Variants in EPB41 observed in about 807,000 individuals in gnomAD.
EPB41 encodes protein 4.1.
In EPB41, 65 loss-of-function variants were observed where a neutral mutation model predicts 108.0. The observed-to-expected ratio is 0.60, with a 90% confidence interval of 0.49 to 0.74. The LOEUF (loss-of-function observed/expected upper bound fraction) is 0.74. Among genes scored for constraint, EPB41 ranks in the 30% least tolerant of loss-of-function variants. EPB41 has a pLI of 0.00. For synonymous variants in EPB41, 336 were observed against 358.9 expected (o/e 0.94, Z 0.72); for missense variants, 875 against 1,037.0 (o/e 0.84, Z 2.15).
At chr1:29,070,322 T>TCA in intron 16 of EPB41, 2 of 1,214,926 alleles carry the variant, frequency 1.6e-6, no homozygotes, top group Non-Finnish European at 2.1e-6. Context: ...GTCATTTTGT[T>TCA]CATCTTATTC....
intron 1 of EPB41, among the ~76,000 whole-genome samples, chr1:28,906,720 TCAGA>T (rs1191413770): frequency 6.6e-6 from 1 of 152,206 alleles, no homozygotes; most frequent in African/African-American, 2.4e-5. Flanking sequence ...GACAGTGGCA[TCAGA>T]CAGACCTAGT....
At position 29,053,154 on chromosome 1, in the gene EPB41, G is replaced by A. The variant is rs1357825188; in HGVS notation, c.1687G>A (p.Ala563Thr). Residue 563 changes from alanine (A) to threonine (T), a missense_variant, in exon 12 of 21, where the codon GCC (alanine) becomes ACC (threonine). By Grantham distance (58) the Ala-to-Thr change is moderately conservative. Transcript: ENST00000343067. Reference protein sequence around the residue: ...DRSPRPTSAPAITQGQVAEGG... With the variant: ...DRSPRPTSAPTITQGQVAEGG... ...AAGTCCTCGGCCCACTTCTGCACCT[G>A]CCATTACTCAGGGTCAGGTTGCAGA... The A allele has an allele frequency of 3.1e-6, 5 of 1,614,066 alleles. No homozygotes were observed. Among genetic ancestry groups the A allele is most frequent in the Admixed American group, 1.7e-5 (1 of 59,998 alleles).
intron 7 of EPB41, among the ~76,000 whole-genome samples, chr1:29,024,490 G>C (rs902676184): frequency 6.6e-6 from 1 of 151,428 alleles, no homozygotes; most frequent in Non-Finnish European, 1.5e-5. Context: ...AAAATTAGCC[G>C]GGCTTGGTGG....
At chr1:28,932,149 GT>G (rs1439711541) in intron 1 of EPB41, among the ~76,000 whole-genome samples, 48 of 152,136 alleles carry the variant, frequency 3.2e-4, no homozygotes, top group African/African-American at 1.1e-3. Context: ...TTGAAATGGA[GT>G]CTTGCTCTGT....
rs1671110127 is a variant in EPB41, at chr1:29,116,848, C to T, written c.*36C>T. ...TAACCTACCCCAACTCTGCCCTTCT[C>T]CCATCCAAGAGAAACCAGCAAAATG... On this transcript the variant is annotated 3_prime_UTR_variant, in exon 21 of 21. Coordinates refer to ENST00000343067, the MANE Select transcript of EPB41 (RefSeq NM_001376013.1). 6.6e-6 allele frequency: 1 copy of T among 152,154 alleles called. No individual in the cohort carries two copies. Among genetic ancestry groups the T allele is most frequent in the Non-Finnish European group, 1.5e-5 (1 of 68,032 alleles). The allele number at this position is 152,154 out of a possible 1,614,324, so 9.4% of individuals were successfully genotyped here. A position where few individuals can be genotyped will look rare whatever the true frequency, so the allele number is the denominator to read the frequency against.
At chr1:28,906,735 T>C (rs1478087594) in intron 1 of EPB41, among the ~76,000 whole-genome samples, 2 of 152,196 alleles carry the variant, frequency 1.3e-5, no homozygotes, top group East Asian at 3.8e-4. Flanking sequence ...CAGACCTAGT[T>C]TAAGCTGCGA....
At chr1:29,015,797 T>C (rs1304362802) in intron 6 of EPB41, 30 bp downstream of exon 6, 12 of 1,362,160 alleles carry the variant, frequency 8.8e-6, no homozygotes, top group Non-Finnish European at 1.3e-5. Flanking sequence ...ATATGTAATT[T>C]ATCATATAAT....
rs375892719 is a variant in EPB41 at position 28,947,420 on chromosome 1, A to G, written c.-8+32652A>G. ...AGACTCCGTCTCAGACAAACAAACA[A>G]ACAAACAAACAAACAAACAAACAAA... On this transcript the variant is annotated intron_variant, in intron 1 of 20. Coordinates refer to ENST00000343067, the MANE Select transcript of EPB41 (RefSeq NM_001376013.1). Among the ~76,000 whole-genome samples, 92 of 98,854 alleles carry G rather than the reference A, an allele frequency of 9.3e-4. No homozygotes were observed. The East Asian group carries it at 0.012, about 13-fold the overall frequency. The allele number at this position is 98,854 out of a possible 152,430, so 64.9% of individuals were successfully genotyped here. A position where few individuals can be genotyped will look rare whatever the true frequency, so the allele number is the denominator to read the frequency against.
chr1:29,092,005 T>C (rs1661367304), intron 16 of EPB41, among the ~76,000 whole-genome samples: 1 of 151,948 alleles, frequency 6.6e-6, no homozygotes, highest in Non-Finnish European at 1.5e-5. Context: ...ATTTTCCTAA[T>C]ATAATACCTA....
At chr1:29,114,636 TAAAAA>T (rs62666661) in intron 19 of EPB41, among the ~76,000 whole-genome samples, 2 of 77,738 alleles carry the variant, frequency 2.6e-5, no homozygotes, top group Admixed American at 1.5e-4. Flanking sequence ...AGACTCCGTC[TAAAAA>T]AAAAAAAAAA....
At chr1:29,005,167 C>T (rs1049380188) in intron 4 of EPB41, among the ~76,000 whole-genome samples, 4 of 152,028 alleles carry the variant, frequency 2.6e-5, no homozygotes, top group South Asian at 4.2e-4. Flanking sequence ...CTGGGGAGGC[C>T]TCAGGAAACT....
intron 16 of EPB41, among the ~76,000 whole-genome samples, chr1:29,093,837 G>A (rs749847315): frequency 3.3e-5 from 5 of 152,110 alleles, no homozygotes; most frequent in Admixed American, 2.0e-4. Context: ...CTTAGGAGGC[G>A]GAGGTTGCAG....
chr1:29,039,507 C>G, intron 11 of EPB41, 81 bp downstream of exon 11: 1 of 1,563,852 alleles, frequency 6.4e-7, no homozygotes, highest in Non-Finnish European at 8.7e-7. Flanking sequence ...TATAAGAGAA[C>G]CGAATTAAAG....
At chr1:29,082,654 G>GGT (rs1657201553) in intron 16 of EPB41, among the ~76,000 whole-genome samples, 2 of 152,142 alleles carry the variant, frequency 1.3e-5, no homozygotes, top group Non-Finnish European at 2.9e-5. Context: ...CTTCTGGTCT[G>GGT]TTAGACATGC....
chr1:28,966,925 T>C (rs1328574462), intron 1 of EPB41, among the ~76,000 whole-genome samples: 3 of 152,158 alleles, frequency 2.0e-5, no homozygotes, highest in Non-Finnish European at 4.4e-5. Flanking sequence ...AACTGTACTT[T>C]TAGTAGGATC....
chr1:28,935,793 C>A (rs1299967672), intron 1 of EPB41, among the ~76,000 whole-genome samples: 2 of 151,622 alleles, frequency 1.3e-5, no homozygotes, highest in Non-Finnish European at 2.9e-5. Context: ...GTGGCACATG[C>A]CTGTAATCCC....
At chr1:29,027,643 C>G (rs1383989015) in intron 7 of EPB41, among the ~76,000 whole-genome samples, 1 of 151,330 alleles carries the variant, frequency 6.6e-6, no homozygotes, top group Non-Finnish European at 1.5e-5. Context: ...GACAAGGTCT[C>G]TCTATGTCGC....
intron 2 of EPB41, among the ~76,000 whole-genome samples, chr1:28,989,064 C>G (rs1366035630): frequency 6.6e-6 from 1 of 152,132 alleles, no homozygotes; most frequent in Non-Finnish European, 1.5e-5. Flanking sequence ...GTAAATCTTC[C>G]TAAAAGCTGT....
rs529592790 is a variant in EPB41, at chr1:29,084,212, AC to A, written c.2185-13594del. 1.8e-3 allele frequency among the ~76,000 whole-genome samples: 269 copies of A among 152,292 alleles called. 1 individual carries two copies. The highest frequency in any genetic ancestry group is 6.3e-3 in the African/African-American group (261 of 41,550). The stretch of plus-strand genomic sequence containing the variant: ...TGTTCACTTCCTTTTACTTATCAAA[AC>A]TTCTTTTTCTCAATCTATGTCAATC... On this transcript the variant is annotated intron_variant, in intron 16 of 20. Coordinates refer to ENST00000343067, the MANE Select transcript of EPB41 (RefSeq NM_001376013.1).
Sources: allele counts gnomAD v4.1 joint callset (sites outside exome capture counted in the v4.1 genomes callset), GRCh38; gene constraint gnomAD v4.1.1; transcripts MANE v1.5; gene names NCBI Gene and HGNC (gene_info 2026-07-23, HGNC 2026-07-21).